Variants in MAGI3 observed in about 807,000 individuals in gnomAD.
MAGI3 encodes membrane-associated guanylate kinase, WW and PDZ domain-containing protein 3.
In MAGI3, 43 loss-of-function variants were observed where a neutral mutation model predicts 121.8. That is an observed-to-expected ratio of 0.35 (90% CI 0.28 to 0.46). The LOEUF is 0.46. MAGI3 is among the 20% of genes least tolerant of loss of function. The pLI, the probability that MAGI3 is intolerant of heterozygous loss-of-function variation, is 1.00. For missense variants in MAGI3, 1,547 were observed against 1,797.3 expected (o/e 0.86, Z 2.52); for synonymous variants, 553 against 639.3 (o/e 0.86, Z 2.04).
intron 19 of MAGI3, among the ~76,000 whole-genome samples, chr1:113,679,409 A>T (rs1169382474): frequency 1.3e-5 from 2 of 152,168 alleles, no homozygotes; most frequent in African/African-American, 4.8e-5. Context: ...CTCCAGCTCC[A>T]TCCATGTTGC....
chr1:113,613,755 G>A (rs1219223300), intron 6 of MAGI3, among the ~76,000 whole-genome samples: 1 of 152,122 alleles, frequency 6.6e-6, no homozygotes, highest in Non-Finnish European at 1.5e-5. Context: ...CACCTGCTAG[G>A]AACATTCTTC....
chr1:113,616,885 C>CT (rs36011283), intron 7 of MAGI3, among the ~76,000 whole-genome samples: 41,037 of 134,134 alleles, frequency 0.31, 7,112 homozygotes, highest in South Asian at 0.45. Flanking sequence ...ACAACTAAAA[C>CT]TTTTTTTTTT....
chr1:113,427,075 G>C (rs1653048915), intron 1 of MAGI3, among the ~76,000 whole-genome samples: 1 of 152,072 alleles, frequency 6.6e-6, no homozygotes, highest in Non-Finnish European at 1.5e-5. Flanking sequence ...ATGAAATCCT[G>C]CCACATTTTG....
intron 1 of MAGI3, among the ~76,000 whole-genome samples, chr1:113,433,050 T>G (rs1014077761): frequency 1.3e-5 from 2 of 152,190 alleles, no homozygotes; most frequent in East Asian, 3.8e-4. Flanking sequence ...ATTATTGTTA[T>G]TATTCTGATC....
chr1:113,523,160 G>A (rs190747745), intron 1 of MAGI3, among the ~76,000 whole-genome samples: 19 of 152,210 alleles, frequency 1.2e-4, no homozygotes, highest in Non-Finnish European at 2.1e-4. Context: ...ACCTTCCGCC[G>A]TGACTGTGAG....
intron 1 of MAGI3, among the ~76,000 whole-genome samples, chr1:113,530,679 C>G (rs775169824): frequency 2.0e-5 from 3 of 151,766 alleles, no homozygotes; most frequent in African/African-American, 7.3e-5. Context: ...CCAGCACTTT[C>G]GGAGGCTGAG....
Position 113,390,873 on chromosome 1 carries a change from C to T in MAGI3, c.-161C>T. 1 of 358,804 alleles carries T rather than the reference C, an allele frequency of 2.8e-6. No individual in the cohort carries two copies. Among genetic ancestry groups the T allele is most frequent in the Non-Finnish European group, 4.5e-6 (1 of 220,418 alleles). 22.2% of individuals were successfully genotyped at this position (358,804 alleles called of 1,614,324 possible). On this transcript the variant is annotated 5_prime_UTR_variant, in exon 1 of 21. Coordinates refer to ENST00000307546, the MANE Select transcript of MAGI3 (RefSeq NM_001142782.2). ...AGGGGCGTCTCGCGTCTGGGAACGGCCGGGCCCCCAGCGGGCTGTGGTCGC... is the reference window on the plus strand; with the variant it reads ...AGGGGCGTCTCGCGTCTGGGAACGGTCGGGCCCCCAGCGGGCTGTGGTCGC...
At chr1:113,511,771 T>C (rs908829549) in intron 1 of MAGI3, among the ~76,000 whole-genome samples, 1 of 152,232 alleles carries the variant, frequency 6.6e-6, no homozygotes, top group African/African-American at 2.4e-5. Context: ...TAAATAGTAG[T>C]TCCATAAAAT....
chr1:113,391,349 G>A lies in MAGI3; in HGVS notation c.316G>A (p.Gly106Ser), dbSNP rs760612771. Residue 106 changes from glycine to serine, a missense_variant and splice_region_variant, in exon 1 of 21, where the codon GGC (glycine) becomes AGC (serine). Transcript: ENST00000307546. The surrounding 1 kb of genome is among the most constrained non-coding windows in gnomAD (Gnocchi z 4.4). ...EPIRLKTVKP[G>S]KVINKDLRHY... ...CATCCGTCTCAAGACTGTGAAACCA[G>A]GTACGCCGGCCCTGCGTATCTGTCT... The A allele has an allele frequency of 4.4e-6, 7 of 1,590,034 alleles. No homozygotes were observed. In the African/African-American group the frequency reaches 9.4e-5, roughly 21 times the overall value.
rs376872770 is a variant in MAGI3, at chr1:113,472,263, C to T, written c.317-77252C>T. ...TGTCACCCAGGCTGGAGTGCAGTGG[C>T]GCGATCTCGGCTCACTGCAAGCTCC... On this transcript the variant is annotated intron_variant, in intron 1 of 20. Transcript: ENST00000307546. Among the ~76,000 whole-genome samples, 948 of 148,898 alleles carry T rather than the reference C, an allele frequency of 6.4e-3. 10 individuals are homozygous for T. The highest frequency in any genetic ancestry group is 0.022 in the African/African-American group (877 of 40,180).
At chr1:113,600,554 T>C (rs1360482378) in intron 6 of MAGI3, among the ~76,000 whole-genome samples, 1 of 152,058 alleles carries the variant, frequency 6.6e-6, no homozygotes, top group Admixed American at 6.6e-5. Flanking sequence ...TACAAACCAC[T>C]GCTCAATGAA....
At chr1:113,541,870 A>G (rs905297230) in intron 1 of MAGI3, among the ~76,000 whole-genome samples, 2 of 152,202 alleles carry the variant, frequency 1.3e-5, no homozygotes, top group African/African-American at 4.8e-5. Context: ...CTCACTTTCT[A>G]AGAGCCAGCA....
intron 16 of MAGI3, among the ~76,000 whole-genome samples, chr1:113,659,697 T>C (rs1653679728): frequency 6.6e-6 from 1 of 152,184 alleles, no homozygotes. Context: ...CAGGGCTTTG[T>C]TCTGGGCAGC....
In MAGI3 at chr1:113,626,112, C is replaced by T. The variant is rs567782052; in HGVS notation, c.1360+3118C>T. On this transcript the variant is annotated intron_variant, in intron 9 of 20. Transcript: ENST00000307546. Reference sequence around the variant, plus strand: ...TCCAGAGTAGCTGGGATTACAGGCACTCACCAGCACGCCTGGCTAATTTTA... The same window carrying T: ...TCCAGAGTAGCTGGGATTACAGGCATTCACCAGCACGCCTGGCTAATTTTA... 2.4e-4 allele frequency among the ~76,000 whole-genome samples: 36 copies of T among 152,204 alleles called. No individual in the cohort carries two copies. In the South Asian group the frequency reaches 3.7e-3, roughly 16 times the overall value.
intron 9 of MAGI3, among the ~76,000 whole-genome samples, chr1:113,626,515 T>C (rs551980224): frequency 1.3e-5 from 2 of 152,296 alleles, no homozygotes; most frequent in South Asian, 4.1e-4. Flanking sequence ...TTTTTCAGAA[T>C]AGTTTGAGTA....
intron 3 of MAGI3, among the ~76,000 whole-genome samples, chr1:113,583,889 G>C (rs1294113580): frequency 6.6e-6 from 1 of 152,122 alleles, no homozygotes; most frequent in East Asian, 1.9e-4. Context: ...AAGTTTTTTA[G>C]TTTCATTTTA....
chr1:113,527,719 A>T (rs1435525372), intron 1 of MAGI3, among the ~76,000 whole-genome samples: 1 of 152,158 alleles, frequency 6.6e-6, no homozygotes, highest in African/African-American at 2.4e-5. Context: ...TCTGTTTTGG[A>T]TCTGACTTAA....
intron 6 of MAGI3, among the ~76,000 whole-genome samples, chr1:113,597,860 G>A (rs1232544403): frequency 6.6e-6 from 1 of 152,170 alleles, no homozygotes; most frequent in East Asian, 1.9e-4. Flanking sequence ...GGTAAAAGGA[G>A]TTCTAAATCT....
intron 2 of MAGI3, among the ~76,000 whole-genome samples, chr1:113,577,548 A>G (rs1001454454): frequency 2.0e-5 from 3 of 150,966 alleles, no homozygotes. Flanking sequence ...ATTTTATGGA[A>G]TGCGAAAAGT....
Sources: gnomAD v4.1 joint callset for allele counts (sites outside exome capture counted in the v4.1 genomes callset) on GRCh38, gnomAD v4.1.1 for gene constraint, Gnocchi (gnomAD v3.1) non-coding constraint, MANE v1.5 for transcripts, NCBI Gene and HGNC (gene_info 2026-07-23, HGNC 2026-07-21) for gene names.